ASPRV1: variants seen among roughly 807,000 people sequenced by gnomAD.
The protein encoded by ASPRV1 is aspartic peptidase retroviral like 1.
ASPRV1 carries 7 observed loss-of-function variants against 11.0 expected under a neutral mutation model. The observed-to-expected ratio is 0.64, with a 90% CI of 0.36 to 1.20. The LOEUF (loss-of-function observed/expected upper bound fraction) is 1.20, where lower values mean the gene tolerates loss of function less well. Among genes scored for constraint, ASPRV1 ranks in the 50% most tolerant of loss-of-function variants. The pLI, the probability that ASPRV1 is intolerant of heterozygous loss-of-function variation, is 0.02. For missense variants in ASPRV1, 299 were observed against 320.0 expected (o/e 0.93, Z 0.50); for synonymous variants, 136 against 138.4 (o/e 0.98, Z 0.12).
the ASPRV1 span, among the ~76,000 whole-genome samples, chr2:70,004,337 C>T: frequency 6.6e-6 from 1 of 152,022 alleles, no homozygotes; most frequent in African/African-American, 2.4e-5. Flanking sequence ...CCAGACCATC[C>T]TGGCCAACAT....
chr2:70,068,993 A>AAGGCAGAG, the ASPRV1 span: 2 of 152,006 alleles, frequency 1.3e-5, no homozygotes, highest in Non-Finnish European at 2.9e-5. Context: ...CAGTAAACCA[A>AAGGCAGAG]AGGCAGAGAT....
the ASPRV1 span, among the ~76,000 whole-genome samples, chr2:69,982,036 TATCCATCCATCCATCC>T: frequency 0.15 from 22,752 of 149,072 alleles, 2,696 homozygotes; most frequent in East Asian, 0.31. Flanking sequence ...CCCTCTCATC[TATCCATCCATCCATCC>T]ATCCATCCAT....
the ASPRV1 span, among the ~76,000 whole-genome samples, chr2:70,076,737 A>G: frequency 6.6e-6 from 1 of 152,210 alleles, no homozygotes; most frequent in African/African-American, 2.4e-5. Flanking sequence ...ATAAACTTGA[A>G]TATCTCATGT....
the ASPRV1 span, chr2:70,000,399 T>C: frequency 6.7e-6 from 1 of 148,332 alleles, no homozygotes; most frequent in Admixed American, 6.7e-5. Flanking sequence ...CCTGAATACA[T>C]CTTTAAAATA....
At chr2:69,974,601 T>A in the ASPRV1 span, among the ~76,000 whole-genome samples, 1 of 152,192 alleles carries the variant, frequency 6.6e-6, no homozygotes, top group Non-Finnish European at 1.5e-5. Flanking sequence ...CAAAACCTGA[T>A]GGCCCTGCCC....
the ASPRV1 span, among the ~76,000 whole-genome samples, chr2:70,057,636 G>C: frequency 6.6e-6 from 1 of 151,504 alleles, no homozygotes; most frequent in South Asian, 2.1e-4. Context: ...GCACCACCAC[G>C]CCCAGCTAAT....
the ASPRV1 span, among the ~76,000 whole-genome samples, chr2:70,082,164 T>C: frequency 6.6e-6 from 1 of 151,952 alleles, no homozygotes; most frequent in Non-Finnish European, 1.5e-5. Flanking sequence ...TGTGTATTTT[T>C]AGTAGAGACA....
At chr2:70,025,052 C>A in the ASPRV1 span, among the ~76,000 whole-genome samples, 14 of 152,082 alleles carry the variant, frequency 9.2e-5, no homozygotes, top group Non-Finnish European at 2.9e-5. Flanking sequence ...TCAAATTTGT[C>A]AATGTGATTG....
the ASPRV1 span, among the ~76,000 whole-genome samples, chr2:69,969,368 C>T: frequency 7.2e-5 from 11 of 152,180 alleles, no homozygotes; most frequent in East Asian, 1.9e-4. Context: ...GGCGGTTCCC[C>T]GAGGCTGCAG....
At chr2:69,995,107 C>T in the ASPRV1 span, among the ~76,000 whole-genome samples, 6 of 151,614 alleles carry the variant, frequency 4.0e-5, no homozygotes, top group South Asian at 2.1e-4. Flanking sequence ...CTTTTGCGGC[C>T]GGGTGCAGTG....
the ASPRV1 span, among the ~76,000 whole-genome samples, chr2:70,041,667 AGAAG>A: frequency 4.6e-5 from 7 of 152,352 alleles, no homozygotes; most frequent in East Asian, 1.2e-3. Context: ...GTCCCAGAGT[AGAAG>A]GAAGGGTGCT....
chr2:69,951,446 AGTGT>A, the ASPRV1 span, among the ~76,000 whole-genome samples: 14,445 of 107,136 alleles, frequency 0.13, 888 homozygotes, highest in African/African-American at 0.15. Context: ...AAAAAAAGTG[AGTGT>A]GTGTGTGTGT....
At chr2:70,018,014 C>T in the ASPRV1 span, 2 of 151,952 alleles carry the variant, frequency 1.3e-5, no homozygotes, top group African/African-American at 4.8e-5. Flanking sequence ...ATAGTGCGTA[C>T]CTGTAGTCCC....
chr2:70,078,142 G>A, the ASPRV1 span, among the ~76,000 whole-genome samples: 2 of 152,188 alleles, frequency 1.3e-5, no homozygotes, highest in Non-Finnish European at 2.9e-5. Context: ...GGGCGACAGA[G>A]CAAGACTCTG....
chr2:69,956,131 T>A (rs972275288), downstream of ASPRV1, among the ~76,000 whole-genome samples: 2 of 152,166 alleles, frequency 1.3e-5, no homozygotes, highest in Non-Finnish European at 2.9e-5. Flanking sequence ...AGGAGCCAGT[T>A]TGAAGCTGTC....
At chr2:70,015,427 G>A in the ASPRV1 span, 7 of 152,086 alleles carry the variant, frequency 4.6e-5, no homozygotes, top group African/African-American at 1.2e-4. Context: ...ACCAAATGAG[G>A]ATCAAAAATA....
At chr2:70,025,234 T>C in the ASPRV1 span, among the ~76,000 whole-genome samples, 1 of 152,166 alleles carries the variant, frequency 6.6e-6, no homozygotes, top group Non-Finnish European at 1.5e-5. Flanking sequence ...GCATTAAATA[T>C]TTTAATGATA....
chr2:70,007,301 T>C, the ASPRV1 span, among the ~76,000 whole-genome samples: 3 of 152,078 alleles, frequency 2.0e-5, no homozygotes, highest in South Asian at 6.2e-4. Context: ...GTGGATCACC[T>C]GAGGTCAGGA....
chr2:69,987,689 G>A, the ASPRV1 span, among the ~76,000 whole-genome samples: 7 of 152,048 alleles, frequency 4.6e-5, no homozygotes, highest in Admixed American at 3.9e-4. Flanking sequence ...GTTCGAGGCT[G>A]TAGTGAGCTA....
Sources: gnomAD v4.1 joint callset for allele counts (sites outside exome capture counted in the v4.1 genomes callset) on GRCh38, gnomAD v4.1.1 for gene constraint, MANE v1.5 for transcripts, NCBI Gene and HGNC (gene_info 2026-07-23, HGNC 2026-07-21) for gene names.